Variants in NTRK2 observed in about 807,000 individuals in gnomAD.
The protein encoded by NTRK2 is neurotrophic receptor tyrosine kinase 2, also known as BDNF/NT-3 growth factors receptor.
A neutral mutation model predicts 94.5 loss-of-function variants in NTRK2; 13 were observed. The ratio of observed to expected loss-of-function variants is 0.14; its 90% CI spans 0.09 to 0.22. NTRK2 has a LOEUF of 0.22. Ranked by LOEUF, NTRK2 falls within the 10% of genes least tolerant of loss-of-function variation. The probability of loss-of-function intolerance (pLI) is 1.00; values close to 1 mark genes in which losing one functional copy is unlikely to be tolerated. For synonymous variants in NTRK2, 372 were observed against 407.4 expected (o/e 0.91, Z 1.05); for missense variants, 639 against 1,071.2 (o/e 0.60, Z 5.63).
In NTRK2 at chr9:84,948,590, G is replaced by A. The variant is rs2132885886; in HGVS notation, c.1893G>A (p.Met631Ile). 3 of 1,614,086 alleles carry A rather than the reference G, an allele frequency of 1.9e-6. No homozygotes were observed. Among genetic ancestry groups the A allele is most frequent in the Non-Finnish European group, 2.5e-6 (3 of 1,180,024 alleles). ...GVCVEGDPLI[M>I]VFEYMKHGDL... ...GCGTGGAGGGCGACCCCCTCATCAT[G>A]GTCTTTGAGTACATGAAGCATGGGG... Residue 631 changes from methionine to isoleucine, a missense_variant, in exon 16 of 19, where the codon ATG (methionine) becomes ATA (isoleucine). Physicochemically the swap from Met to Ile is conservative, Grantham distance 10. Transcript: ENST00000277120.
chr9:84,730,963 A>G (rs1268276269), intron 9 of NTRK2, among the ~76,000 whole-genome samples: 1 of 151,954 alleles, frequency 6.6e-6, no homozygotes, highest in Admixed American at 6.6e-5. Flanking sequence ...ACTTTCTCCC[A>G]GTTGTTTTGG....
intron 6 of NTRK2, among the ~76,000 whole-genome samples, chr9:84,722,330 T>C (rs1333364751): frequency 1.3e-5 from 2 of 152,118 alleles, no homozygotes; most frequent in Non-Finnish European, 2.9e-5. Context: ...AAATATAGAC[T>C]GTACAAATCT....
intron 14 of NTRK2, chr9:84,877,477 A>G: frequency 9.4e-7 from 1 of 1,066,094 alleles, no homozygotes; most frequent in Non-Finnish European, 1.1e-6. Flanking sequence ...AATGGGCACT[A>G]CATCTGTGTA....
chr9:84,874,299 G>A (rs2075985397), intron 14 of NTRK2: 2 of 1,065,112 alleles, frequency 1.9e-6, no homozygotes, highest in Middle Eastern at 4.1e-4. Context: ...AGTAGAGATG[G>A]CACCACCGGA....
At chr9:84,991,081 C>T (rs763219818) in intron 17 of NTRK2, among the ~76,000 whole-genome samples, 8 of 152,176 alleles carry the variant, frequency 5.3e-5, no homozygotes, top group Non-Finnish European at 8.8e-5. Flanking sequence ...ATGGATTCGT[C>T]CCTTCCCTGA....
chr9:84,746,249 CAG>C (rs2064059539), intron 11 of NTRK2, among the ~76,000 whole-genome samples: 1 of 152,208 alleles, frequency 6.6e-6, no homozygotes, highest in Non-Finnish European at 1.5e-5. Context: ...TGTCCATGAA[CAG>C]AGTGTTACTG....
intron 12 of NTRK2, chr9:84,814,424 C>T: frequency 9.4e-7 from 1 of 1,065,884 alleles, no homozygotes; most frequent in Non-Finnish European, 1.1e-6. Flanking sequence ...CTCTTTATTT[C>T]TTTAGAGCAC....
intron 2 of NTRK2, among the ~76,000 whole-genome samples, chr9:84,681,511 A>G (rs980014800): frequency 1.3e-5 from 2 of 152,184 alleles, no homozygotes; most frequent in Non-Finnish European, 2.9e-5. Context: ...TACATGGGAT[A>G]TGGTGAGAAA....
intron 12 of NTRK2, chr9:84,813,190 C>G: frequency 9.5e-7 from 1 of 1,048,646 alleles, no homozygotes; most frequent in Non-Finnish European, 1.2e-6. Flanking sequence ...AGGCAGGTCT[C>G]CTAAATGAAC....
At chr9:84,891,068 C>A (rs924765786) in intron 14 of NTRK2, among the ~76,000 whole-genome samples, 7 of 152,176 alleles carry the variant, frequency 4.6e-5, no homozygotes, top group Non-Finnish European at 7.3e-5. Flanking sequence ...CTGTTTACTT[C>A]ACCGTGTGCT....
chr9:84,832,130 C>A (rs2083828), intron 12 of NTRK2, among the ~76,000 whole-genome samples: 75,595 of 151,992 alleles, frequency 0.5, 18,983 homozygotes, highest in African/African-American at 0.55. Context: ...TTCTTGTATT[C>A]TCTTGTTACC....
chr9:84,929,347 T>C (rs2077937941), intron 14 of NTRK2, among the ~76,000 whole-genome samples: 1 of 152,208 alleles, frequency 6.6e-6, no homozygotes, highest in Admixed American at 6.5e-5. Flanking sequence ...ATTTCCATTC[T>C]GAAAAATTCC....
intron 17 of NTRK2, among the ~76,000 whole-genome samples, chr9:85,019,849 C>T (rs1423686659): frequency 6.6e-6 from 1 of 152,156 alleles, no homozygotes. Flanking sequence ...TCTTTGTTCT[C>T]CTGGTCAAAG....
chr9:84,801,829 G>T (rs2133393625), intron 12 of NTRK2, among the ~76,000 whole-genome samples: 1 of 152,318 alleles, frequency 6.6e-6, no homozygotes, highest in East Asian at 1.9e-4. Context: ...GGCCATAATT[G>T]TGATGAATGA....
intron 10 of NTRK2, among the ~76,000 whole-genome samples, chr9:84,742,693 C>T (rs1219770300): frequency 6.6e-6 from 1 of 151,046 alleles, no homozygotes; most frequent in Non-Finnish European, 1.5e-5. Context: ...GACTTTAAGT[C>T]AGCTTCCCCG....
chr9:84,862,713 A>C (rs541943140), intron 13 of NTRK2, among the ~76,000 whole-genome samples: 3 of 152,342 alleles, frequency 2.0e-5, no homozygotes, highest in African/African-American at 7.2e-5. Context: ...TGGCATGCAG[A>C]GCCACGTGGG....
At chr9:84,745,125 C>T in intron 11 of NTRK2, 52 bp downstream of exon 11, 2 of 1,256,852 alleles carry the variant, frequency 1.6e-6, no homozygotes, top group Non-Finnish European at 2.3e-6. Flanking sequence ...TTGGATGCCT[C>T]CATGTTAGAG....
At chr9:84,876,871 G>T in intron 14 of NTRK2, 1 of 1,062,736 alleles carries the variant, frequency 9.4e-7, no homozygotes, top group East Asian at 5.1e-5. Context: ...AGGAGTCTTT[G>T]TTCTGGGTTG....
At position 84,934,232 on chromosome 9, in the gene NTRK2, G is replaced by T; in HGVS notation, c.1704G>T (p.Val568=). ...TAGGCGAAGGAGCCTTTGGAAAAGTGTTCCTAGCTGAATGCTATAACCTCT... is the reference window on the plus strand; with the variant it reads ...TAGGCGAAGGAGCCTTTGGAAAAGTTTTCCTAGCTGAATGCTATAACCTCT... ...RELGEGAFGK[V]FLAECYNLCP... The change falls in exon 15 of 19, where the codon GTG becomes GTT. Residue 568 remains valine, a synonymous_variant. Coordinates refer to ENST00000277120, the MANE Select transcript of NTRK2 (RefSeq NM_006180.6). The T allele has an allele frequency of 6.2e-7, 1 of 1,614,036 alleles. No individual in the cohort carries two copies. The highest frequency in any genetic ancestry group is 8.5e-7 in the Non-Finnish European group (1 of 1,179,938).
Sources: gnomAD v4.1 joint callset for allele counts (sites outside exome capture counted in the v4.1 genomes callset) on GRCh38, gnomAD v4.1.1 for gene constraint, MANE v1.5 for transcripts, NCBI Gene and HGNC (gene_info 2026-07-23, HGNC 2026-07-21) for gene names.